ANKLE2: variants seen among roughly 807,000 people sequenced by gnomAD.
The protein encoded by ANKLE2 is ankyrin repeat and LEM domain-containing protein 2.
In ANKLE2, 55 loss-of-function variants were observed where a neutral mutation model predicts 84.2. The observed-to-expected ratio is 0.65, with a 90% CI of 0.53 to 0.82. The LOEUF (loss-of-function observed/expected upper bound fraction) is 0.82. Among genes scored for constraint, ANKLE2 ranks in the 40% least tolerant of loss-of-function variants. ANKLE2 has a pLI of 0.00. For synonymous variants in ANKLE2, 551 were observed against 486.1 expected, an observed-to-expected ratio of 1.13 and a Z score of -1.76; for missense variants, 1,238 against 1,201.9, an observed-to-expected ratio of 1.03 and a Z score of -0.44.
At chr12:132,754,005 G>C (rs1250090941) in intron 2 of ANKLE2, among the ~76,000 whole-genome samples, 1 of 152,184 alleles carries the variant, frequency 6.6e-6, no homozygotes, top group East Asian at 1.9e-4. Context: ...CACTTTGGGA[G>C]GCCAAGGCAG....
intron 8 of ANKLE2, among the ~76,000 whole-genome samples, chr12:132,736,628 G>T (rs1295878720): frequency 1.3e-5 from 2 of 152,254 alleles, no homozygotes; most frequent in African/African-American, 4.8e-5. Context: ...ACAGGACGGG[G>T]CTGGCCCAGG....
Position 132,743,082 on chromosome 12 carries a change from G to T in ANKLE2, c.1353+72C>A, listed in dbSNP as rs1413491311. ...CTCCTTGTGGCTTCCCTGTGCCTGT[G>T]ATCACAGACTGTAAATTTATATATT... On this transcript the variant is annotated intron_variant, in intron 6 of 12. Coordinates refer to ENST00000357997, the MANE Select transcript of ANKLE2 (RefSeq NM_015114.3). The surrounding 1 kb of genome is among the most constrained non-coding windows in gnomAD (Gnocchi z 4.1). 3 of 1,442,588 alleles carry T rather than the reference G, an allele frequency of 2.1e-6. No individual in the cohort carries two copies. Among genetic ancestry groups the T allele is most frequent in the Admixed American group, 2.2e-5 (1 of 46,138 alleles). The allele number at this position is 1,442,588 out of a possible 1,614,324, so 89.4% of individuals were successfully genotyped here.
At chr12:132,738,569 G>A (rs1242470676) in intron 7 of ANKLE2, 1 of 150,840 alleles carries the variant, frequency 6.6e-6, no homozygotes, top group African/African-American at 2.4e-5. Flanking sequence ...CTGTCACCCA[G>A]GCTGGAGTGC....
chr12:132,758,148 G>A (rs896592179), intron 1 of ANKLE2: 2 of 152,214 alleles, frequency 1.3e-5, no homozygotes, highest in Non-Finnish European at 2.9e-5. Context: ...GGTGGCTCAT[G>A]CTGGTAATCC....
chr12:132,755,470 A>C, intron 1 of ANKLE2: 1 of 173,494 alleles, frequency 5.8e-6, no homozygotes, highest in Admixed American at 6.2e-5. Flanking sequence ...GCTTGAACCC[A>C]GGAGGCGGAG....
chr12:132,755,739 T>G (rs1183482338), intron 1 of ANKLE2: 1 of 151,706 alleles, frequency 6.6e-6, no homozygotes, highest in Non-Finnish European at 1.5e-5. Context: ...TTTTGTATTT[T>G]TAGGAGAGAC....
rs2044162927 is a variant in ANKLE2, at chr12:132,743,010, C to T, written c.1353+144G>A. The T allele has an allele frequency of 1.5e-6, 1 of 656,178 alleles. No homozygotes were observed. Among genetic ancestry groups the T allele is most frequent in the Admixed American group, 4.0e-5 (1 of 24,748 alleles). The allele number at this position is 656,178 out of a possible 1,614,324, so 40.6% of individuals were successfully genotyped here. Reference sequence around the variant, plus strand: ...TCACAAAGTGCATCTTACTCAACAGCCAAGGTTCTAACATGTGCCCATAAA... The same window carrying T: ...TCACAAAGTGCATCTTACTCAACAGTCAAGGTTCTAACATGTGCCCATAAA... On this transcript the variant is annotated intron_variant, in intron 6 of 12. Transcript: ENST00000357997. This position sits in a 1 kb window ranked among gnomAD's most constrained non-coding sequence, Gnocchi z 4.1.
At chr12:132,748,474 G>A (rs533957052) in intron 3 of ANKLE2, 143 bp from the exon 4 acceptor site, 1 of 869,720 alleles carries the variant, frequency 1.1e-6, no homozygotes, top group Non-Finnish European at 1.8e-6. Flanking sequence ...AGACGAGAAG[G>A]GCCCACGGCC....
At chr12:132,735,982 C>T (rs1368811071) in intron 8 of ANKLE2, among the ~76,000 whole-genome samples, 1 of 152,230 alleles carries the variant, frequency 6.6e-6, no homozygotes, top group African/African-American at 2.4e-5. Context: ...GACGGAGTCT[C>T]GCTCTGTCGC....
At chr12:132,749,451 C>T (rs1293709862) in intron 3 of ANKLE2, among the ~76,000 whole-genome samples, 4 of 152,232 alleles carry the variant, frequency 2.6e-5, no homozygotes, top group South Asian at 2.1e-4. Flanking sequence ...CCACCTCGCC[C>T]GGCCTGATTT....
intron 1 of ANKLE2, chr12:132,758,205 T>C (rs2136187155): frequency 6.6e-6 from 1 of 152,180 alleles, no homozygotes; most frequent in African/African-American, 2.4e-5. Flanking sequence ...AGGTCAGGTG[T>C]TTGAGACCAG....
intron 7 of ANKLE2, among the ~76,000 whole-genome samples, chr12:132,740,979 A>G (rs1353818789): frequency 6.6e-6 from 1 of 152,084 alleles, no homozygotes; most frequent in African/African-American, 2.4e-5. Context: ...CCCCACCCCA[A>G]CACAGGCAAA....
chr12:132,744,976 G>A (rs538450067), intron 5 of ANKLE2, among the ~76,000 whole-genome samples: 2 of 152,176 alleles, frequency 1.3e-5, no homozygotes, highest in East Asian at 1.9e-4. Flanking sequence ...CACTGCACCC[G>A]GCCTCACAAA....
intron 10 of ANKLE2, among the ~76,000 whole-genome samples, chr12:132,733,829 G>C (rs1320101948): frequency 1.3e-5 from 2 of 152,066 alleles, no homozygotes; most frequent in African/African-American, 4.8e-5. Flanking sequence ...AAAATATCAG[G>C]CTCAGCCAAT....
chr12:132,750,546 G>A, intron 3 of ANKLE2, 97 bp downstream of exon 3: 1 of 1,347,336 alleles, frequency 7.4e-7, no homozygotes, highest in Non-Finnish European at 1.0e-6. Context: ...CTACCCTCAT[G>A]GAGAAAACAA....
rs374069128 is a variant in ANKLE2, at chr12:132,747,918, G to A, written c.1144C>T (p.Leu382=). ...GCCTCGTCGTCATCAGGGTACATCA[G>A]CCTCATGAAGTCAGGGTTCTCCAGG... ...DVLENPDFMR[L]MYPDDDEAML... is the part of the protein sequence containing the mutation. Residue 382 remains leucine (L), a synonymous_variant, in exon 5 of 13, where the codon CTG becomes TTG. Coordinates refer to ENST00000357997, the MANE Select transcript of ANKLE2 (RefSeq NM_015114.3). 1.1e-5 allele frequency: 18 copies of A among 1,605,126 alleles called. No homozygotes were observed. The highest frequency in any genetic ancestry group is 4.0e-5 in the African/African-American group (3 of 74,160).
chr12:132,743,124 G>C lies in ANKLE2; in HGVS notation c.1353+30C>G. ...TTATATATTTCCATTTCTAACTCTA[G>C]ATAGCAACTGCATTGTAATAAGTAC... On this transcript the variant is annotated intron_variant, in intron 6 of 12. Transcript: ENST00000357997. This position sits in a 1 kb window ranked among gnomAD's most constrained non-coding sequence, Gnocchi z 4.1. 6.5e-7 allele frequency: 1 copy of C among 1,548,604 alleles called. No homozygotes were observed. Among genetic ancestry groups the C allele is most frequent in the Non-Finnish European group, 8.7e-7 (1 of 1,143,130 alleles).
At chr12:132,753,377 T>A (rs1221063141) in intron 2 of ANKLE2, among the ~76,000 whole-genome samples, 1 of 151,470 alleles carries the variant, frequency 6.6e-6, no homozygotes, top group Non-Finnish European at 1.5e-5. Flanking sequence ...TGTGTGCCTG[T>A]AATCTTAGCA....
At chr12:132,746,266 T>G (rs899869024) in intron 5 of ANKLE2, among the ~76,000 whole-genome samples, 2 of 150,532 alleles carry the variant, frequency 1.3e-5, no homozygotes, top group Admixed American at 6.7e-5. Context: ...GGAGAATCAG[T>G]TGAACCCAGG....
Sources: allele counts gnomAD v4.1 joint callset (sites outside exome capture counted in the v4.1 genomes callset), GRCh38; gene constraint gnomAD v4.1.1; non-coding constraint Gnocchi (gnomAD v3.1); transcripts MANE v1.5; gene names NCBI Gene and HGNC (gene_info 2026-07-23, HGNC 2026-07-21).